Variants in GALNS observed in about 807,000 individuals in gnomAD.
GALNS encodes galactosamine (N-acetyl)-6-sulfatase.
Under a neutral mutation model 65.9 loss-of-function variants are expected in GALNS, and 65 were observed. That is an observed-to-expected ratio of 0.99 (90% CI 0.81 to 1.21). GALNS has a LOEUF of 1.21. GALNS is among the 50% of genes most tolerant of loss of function. The pLI is 0.00. For missense variants in GALNS, 776 were observed against 700.7 expected (o/e 1.11, Z -1.21); for synonymous variants, 346 against 288.9 (o/e 1.20, Z -2.00).
At chr16:88,817,880 C>A in intron 13 of GALNS, 127 bp downstream of exon 13, 1 of 850,722 alleles carries the variant, frequency 1.2e-6, no homozygotes, top group South Asian at 1.4e-5. Flanking sequence ...GCACGAGGGC[C>A]TCACCACTGA....
intron 7 of GALNS, 52 bp downstream of exon 7, chr16:88,835,673 A>G: frequency 1.2e-6 from 2 of 1,611,696 alleles, no homozygotes; most frequent in Non-Finnish European, 1.7e-6. Context: ...TCTGGAGTCA[A>G]GCACAGCTGG....
intron 12 of GALNS, among the ~76,000 whole-genome samples, chr16:88,819,164 C>A (rs1287045519): frequency 6.6e-6 from 1 of 152,230 alleles, no homozygotes; most frequent in African/African-American, 2.4e-5. Flanking sequence ...CTGCATGCAA[C>A]AGGGACGGGG....
intron 1 of GALNS, among the ~76,000 whole-genome samples, chr16:88,851,849 G>C (rs1027827447): frequency 6.6e-6 from 1 of 152,222 alleles, no homozygotes; most frequent in South Asian, 2.1e-4. Flanking sequence ...TAAACAAAGC[G>C]GCAGGGAAGC....
chr16:88,820,895 G>A (rs1265608183), intron 12 of GALNS, among the ~76,000 whole-genome samples: 1 of 152,166 alleles, frequency 6.6e-6, no homozygotes, highest in Admixed American at 6.5e-5. Context: ...GTGTAACTGG[G>A]GCCTGCAATC....
intron 8 of GALNS, among the ~76,000 whole-genome samples, chr16:88,834,475 C>A (rs1273797550): frequency 6.0e-5 from 6 of 99,506 alleles, no homozygotes; most frequent in African/African-American, 2.0e-4. Flanking sequence ...CCCGTGTGGT[C>A]TGGGAAGAGG....
At chr16:88,826,111 C>T (rs1336370205) in intron 10 of GALNS, among the ~76,000 whole-genome samples, 1 of 136,334 alleles carries the variant, frequency 7.3e-6, no homozygotes, top group Non-Finnish European at 1.5e-5. Flanking sequence ...CATGAGGCAC[C>T]AAAAACCAGG....
At chr16:88,829,068 G>T (rs543611694) in intron 9 of GALNS, among the ~76,000 whole-genome samples, 33 of 144,462 alleles carry the variant, frequency 2.3e-4, no homozygotes, top group African/African-American at 8.2e-4. Flanking sequence ...CACGGGTCCC[G>T]AGTCTCATGC....
chr16:88,855,905 C>T (rs1377669742), intron 1 of GALNS: 7 of 529,588 alleles, frequency 1.3e-5, no homozygotes, highest in South Asian at 1.3e-4. Flanking sequence ...TACTCGGTGT[C>T]GTCCCAGTCC....
intron 4 of GALNS, chr16:88,840,759 A>G: frequency 1.8e-6 from 1 of 568,872 alleles, no homozygotes; most frequent in Non-Finnish European, 3.2e-6. Flanking sequence ...GCGGAGTCTG[A>G]TGCCGCAGGA....
chr16:88,831,961 G>T, intron 9 of GALNS, 37 bp downstream of exon 9: 1 of 1,579,308 alleles, frequency 6.3e-7, no homozygotes, highest in Non-Finnish European at 8.7e-7. Context: ...TGCAGGCCTG[G>T]ACCTGCTGCC....
rs776307663 is a variant in GALNS at position 88,831,995 on chromosome 16, C to T, written c.1002+3G>A. 3.1e-6 allele frequency: 5 copies of T among 1,612,614 alleles called. No homozygotes were observed. In the East Asian group the frequency reaches 6.7e-5, roughly 22 times the overall value. On this transcript the variant is annotated splice_donor_region_variant and intron_variant, in intron 9 of 13. Transcript: ENST00000268695. Reference sequence around the variant, plus strand: ...CCCGGCAGACCGGTGGACGCTGACTCACCTGGCCTGCAGTGACGTGCCCTG... The same window carrying T: ...CCCGGCAGACCGGTGGACGCTGACTTACCTGGCCTGCAGTGACGTGCCCTG...
intron 10 of GALNS, 40 bp downstream of exon 10, chr16:88,826,662 T>C (rs752427259): frequency 5.6e-6 from 9 of 1,601,246 alleles, no homozygotes; most frequent in Non-Finnish European, 6.0e-6. Flanking sequence ...GCTTCACTAC[T>C]TGGATCGGGG....
At chr16:88,843,332 C>T in intron 1 of GALNS, 1 of 681,454 alleles carries the variant, frequency 1.5e-6, no homozygotes, top group South Asian at 1.7e-5. Context: ...CCACTCCTAG[C>T]TGTACACCCA....
intron 12 of GALNS, 55 bp downstream of exon 12, chr16:88,822,534 T>C (rs1910340608): frequency 1.9e-6 from 3 of 1,607,990 alleles, no homozygotes; most frequent in Non-Finnish European, 2.5e-6. Flanking sequence ...AGCCTGCATT[T>C]GGGGGAGTCC....
intron 1 of GALNS, chr16:88,855,393 G>A (rs990295697): frequency 4.3e-6 from 3 of 702,592 alleles, no homozygotes; most frequent in Non-Finnish European, 7.8e-6. Context: ...AACTTCAAAA[G>A]TGAAAGGATG....
chr16:88,833,214 C>T (rs767314900), intron 8 of GALNS, among the ~76,000 whole-genome samples: 15 of 152,134 alleles, frequency 9.9e-5, no homozygotes, highest in Non-Finnish European at 1.6e-4. Context: ...AGCCTCTGAA[C>T]GGAACCTCGC....
intron 13 of GALNS, chr16:88,817,438 G>C: frequency 1.0e-6 from 1 of 985,434 alleles, no homozygotes; most frequent in Non-Finnish European, 1.2e-6. Context: ...GATCAGGTCT[G>C]ATGCGAAGGT....
intron 4 of GALNS, among the ~76,000 whole-genome samples, chr16:88,840,095 G>C (rs1483190610): frequency 6.6e-6 from 1 of 152,216 alleles, no homozygotes; most frequent in Non-Finnish European, 1.5e-5. Context: ...GTGCCCATCA[G>C]CTCTGCCCTG....
intron 12 of GALNS, among the ~76,000 whole-genome samples, chr16:88,819,690 CTAATTT>C (rs1365000303): frequency 2.6e-5 from 4 of 151,904 alleles, no homozygotes; most frequent in African/African-American, 4.8e-5. Flanking sequence ...CTGTGCCTGG[CTAATTT>C]TAATTATTAT....
Sources: gnomAD v4.1 joint callset for allele counts (sites outside exome capture counted in the v4.1 genomes callset) on GRCh38, gnomAD v4.1.1 for gene constraint, MANE v1.5 for transcripts, NCBI Gene and HGNC (gene_info 2026-07-23, HGNC 2026-07-21) for gene names.